Variants in LCOR observed in about 807,000 individuals in gnomAD.
LCOR encodes ligand dependent nuclear receptor corepressor, also known as ligand-dependent corepressor.
A neutral mutation model predicts 64.4 loss-of-function variants in LCOR; 14 were observed. The observed-to-expected ratio is 0.22, with a 90% CI of 0.14 to 0.34. The LOEUF is 0.34. Ranked by LOEUF, LCOR falls within the 10% of genes least tolerant of loss-of-function variation. LCOR has a pLI of 1.00. For synonymous variants in LCOR, 643 were observed against 642.5 expected, an observed-to-expected ratio of 1.00 and a Z score of -0.01; for missense variants, 1,686 against 1,765.3, an observed-to-expected ratio of 0.96 and a Z score of 0.80.
chr10:96,869,456 C>A (rs1846034101), intron 2 of LCOR, among the ~76,000 whole-genome samples: 1 of 152,164 alleles, frequency 6.6e-6, no homozygotes, highest in Admixed American at 6.5e-5. Flanking sequence ...CTCAAGTAAT[C>A]TGCCTACCTT....
chr10:96,859,581 C>T (rs911936477), intron 2 of LCOR, among the ~76,000 whole-genome samples: 26 of 151,324 alleles, frequency 1.7e-4, no homozygotes, highest in Middle Eastern at 3.5e-3. Flanking sequence ...TTTTTGAGAC[C>T]GAGTCTCGCT....
At position 96,995,775 on chromosome 10, in the gene LCOR, C is replaced by T. The variant is rs1589355702; in HGVS notation, c.*10641C>T. On this transcript the variant is annotated 3_prime_UTR_variant, in exon 8 of 8. Coordinates refer to ENST00000421806, the MANE Select transcript of LCOR (RefSeq NM_001346516.2). This position sits in a 1 kb window ranked among gnomAD's most constrained non-coding sequence, Gnocchi z 4.2. ...TTCTTGTTATTGGTAGAGGGGCCCT[C>T]ACTGAAATCCAAGCTTGGAAGGATG... The T allele has an allele frequency of 6.6e-6, 1 of 152,288 alleles. No individual in the cohort carries two copies. Among genetic ancestry groups the T allele is most frequent in the East Asian group, 1.9e-4 (1 of 5,184 alleles). 9.4% of individuals were successfully genotyped at this position (152,288 alleles called of 1,614,324 possible).
chr10:96,942,353 G>C (rs1395755147), intron 4 of LCOR, among the ~76,000 whole-genome samples: 3 of 152,080 alleles, frequency 2.0e-5, no homozygotes, highest in Non-Finnish European at 4.4e-5. Flanking sequence ...TGAGGCAGGA[G>C]AATCAGGCAG....
At position 96,985,092 on chromosome 10, in the gene LCOR, G is replaced by A. The variant is rs551749960; in HGVS notation, c.4632G>A (p.Leu1544=). 1.1e-5 allele frequency: 17 copies of A among 1,609,660 alleles called. No individual in the cohort carries two copies. The East Asian group carries it at 3.1e-4, about 30-fold the overall frequency. ...AQRKRKLKAK[L]DCSHSKRRRL... ...GAAAGCGAAAGCTGAAGGCAAAGCT[G>A]GACTGTTCGCACAGCAAACGGAGGC... The change falls in exon 8 of 8, where the codon CTG becomes CTA. Residue 1544 remains leucine (L), a synonymous_variant. Coordinates refer to ENST00000421806, the MANE Select transcript of LCOR (RefSeq NM_001346516.2).
At chr10:96,924,447 G>C (rs1458601198) in intron 4 of LCOR, among the ~76,000 whole-genome samples, 2 of 151,408 alleles carry the variant, frequency 1.3e-5, no homozygotes, top group African/African-American at 4.9e-5. Context: ...TTGCCATGTT[G>C]CCCAGGCTGG....
At chr10:96,977,540 A>G (rs1336929784) in intron 7 of LCOR, among the ~76,000 whole-genome samples, 1 of 152,184 alleles carries the variant, frequency 6.6e-6, no homozygotes, top group Non-Finnish European at 1.5e-5. Context: ...ACTTCCATCA[A>G]AAAAAATTTG....
chr10:96,981,302 T>A lies in LCOR; in HGVS notation c.842T>A (p.Phe281Tyr). Residue 281 changes from phenylalanine (F) to tyrosine (Y), a missense_variant, in exon 8 of 8, where the codon TTC (phenylalanine) becomes TAC (tyrosine). Physicochemically the swap from Phe to Tyr is conservative, Grantham distance 22. Transcript: ENST00000421806. ...LTASNCSSVN[F>Y]HHIPKILEGQ... is the part of the protein sequence containing the mutation. ...GCATCTAATTGTTCCTCAGTGAACT[T>A]CCACCACATCCCTAAAATCTTGGAG... 6.5e-7 allele frequency: 1 copy of A among 1,534,966 alleles called. No individual in the cohort carries two copies. The highest frequency in any genetic ancestry group is 1.4e-5 in the African/African-American group (1 of 73,254).
chr10:96,892,963 T>C (rs1184101443), intron 2 of LCOR, among the ~76,000 whole-genome samples: 5 of 152,228 alleles, frequency 3.3e-5, no homozygotes, highest in Non-Finnish European at 5.9e-5. Flanking sequence ...TTTCCCATTT[T>C]ATATTTCTTT....
At chr10:96,901,987 A>G (rs990299418) in intron 2 of LCOR, among the ~76,000 whole-genome samples, 2 of 152,114 alleles carry the variant, frequency 1.3e-5, no homozygotes, top group Non-Finnish European at 2.9e-5. Flanking sequence ...GTCCATACTG[A>G]TAGTAGGACA....
intron 2 of LCOR, among the ~76,000 whole-genome samples, chr10:96,905,869 T>C (rs980353790): frequency 1.3e-5 from 2 of 152,122 alleles, no homozygotes; most frequent in African/African-American, 4.8e-5. Flanking sequence ...CTAATTACAG[T>C]GTAAATAACA....
In LCOR at chr10:96,955,069, A is replaced by G. The variant is rs774259564; in HGVS notation, c.332+2873A>G. On this transcript the variant is annotated intron_variant, in intron 7 of 7. Coordinates refer to ENST00000421806, the MANE Select transcript of LCOR (RefSeq NM_001346516.2). ...GGTTTTGGACACTCCACATCACTCA[A>G]AGTTCCACTGGCTCGATCCCTGCAG... 7.4e-6 allele frequency: 12 copies of G among 1,614,052 alleles called. No homozygotes were observed. In the East Asian group the frequency reaches 1.8e-4, roughly 24 times the overall value.
At chr10:96,963,670 A>G (rs1847916164) in intron 7 of LCOR, 1 of 152,158 alleles carries the variant, frequency 6.6e-6, no homozygotes. Context: ...CTCAGTGACA[A>G]GTTTTTTCTG....
chr10:96,957,370 A>C lies in LCOR; in HGVS notation c.332+5174A>C, dbSNP rs191795041. On this transcript the variant is annotated intron_variant, in intron 7 of 7. Coordinates refer to ENST00000421806, the MANE Select transcript of LCOR (RefSeq NM_001346516.2). The stretch of plus-strand genomic sequence containing the variant: ...AAGCTTTTTCTGAGATGGGCTTTTA[A>C]AATTATAATAAGGGAAGTTTATTTT... 302 of 985,074 alleles carry C rather than the reference A, an allele frequency of 3.1e-4. 3 individuals carry two copies. In the East Asian group the frequency reaches 0.025, roughly 81 times the overall value. 61.0% of individuals were successfully genotyped at this position (985,074 alleles called of 1,614,324 possible).
At chr10:96,856,175 ATTC>A (rs1195808307) in intron 2 of LCOR, among the ~76,000 whole-genome samples, 1 of 151,238 alleles carries the variant, frequency 6.6e-6, no homozygotes, top group Non-Finnish European at 1.5e-5. Flanking sequence ...GGTTCAAGCA[ATTC>A]TTCTGCCTCA....
In LCOR at chr10:96,983,729, C is replaced by G; in HGVS notation, c.3269C>G (p.Thr1090Ser). ...CCCCTAGATGAGGACGATGTTGACA[C>G]CGTGGTAGATGAACAGCCAAAGTTT... ...GDPLDEDDVD[T>S]VVDEQPKFME... Residue 1090 changes from threonine to serine, a missense_variant, in exon 8 of 8, where the codon ACC becomes AGC. Around this residue, in one of 3 missense-constraint regions of LCOR, gnomAD observed 1,293 missense variants for 1,410.4 expected, o/e 0.92. Coordinates refer to ENST00000421806, the MANE Select transcript of LCOR (RefSeq NM_001346516.2). The surrounding 1 kb of genome is among the most constrained non-coding windows in gnomAD (Gnocchi z 4.5). 6.2e-7 allele frequency: 1 copy of G among 1,614,028 alleles called. No homozygotes were observed. The highest frequency in any genetic ancestry group is 8.5e-7 in the Non-Finnish European group (1 of 1,179,988).
At chr10:96,930,685 C>G (rs1168084191) in intron 4 of LCOR, among the ~76,000 whole-genome samples, 1 of 152,172 alleles carries the variant, frequency 6.6e-6, no homozygotes, top group East Asian at 1.9e-4. Flanking sequence ...CTCCAAAATT[C>G]AGGTGTTGCC....
In LCOR at chr10:96,885,499, A is replaced by C. The variant is rs948621613; in HGVS notation, c.-329-21766A>C. On this transcript the variant is annotated intron_variant, in intron 2 of 7. Coordinates refer to ENST00000421806, the MANE Select transcript of LCOR (RefSeq NM_001346516.2). The stretch of plus-strand genomic sequence containing the variant: ...CAGGCCCTAGCGACCCTCCTGCCTC[A>C]GCCTCCCAAGTAGCTGGGATCACAG... Among the ~76,000 whole-genome samples the C allele has an allele frequency of 9.9e-5, 15 of 151,038 alleles. No homozygotes were observed. The East Asian group carries it at 2.7e-3, about 27-fold the overall frequency.
At chr10:96,936,967 C>T (rs1341815755) in intron 4 of LCOR, among the ~76,000 whole-genome samples, 1 of 152,180 alleles carries the variant, frequency 6.6e-6, no homozygotes, top group African/African-American at 2.4e-5. Context: ...AATATTCTCT[C>T]TCTTTTCTCA....
intron 4 of LCOR, among the ~76,000 whole-genome samples, chr10:96,942,290 A>G (rs1367617390): frequency 3.3e-5 from 5 of 151,638 alleles, no homozygotes; most frequent in African/African-American, 9.7e-5. Context: ...AAAAAAAACG[A>G]AAACCAGTCA....
Sources: allele counts gnomAD v4.1 joint callset (sites outside exome capture counted in the v4.1 genomes callset), GRCh38; gene constraint gnomAD v4.1.1; regional missense constraint gnomAD v4.1.1; non-coding constraint Gnocchi (gnomAD v3.1); transcripts MANE v1.5; gene names NCBI Gene and HGNC (gene_info 2026-07-23, HGNC 2026-07-21).